Variants in DNAJC15 observed in about 807,000 individuals in gnomAD.
DNAJC15 encodes the protein DnaJ heat shock protein family (Hsp40) member C15, also known as dnaJ homolog subfamily C member 15.
A neutral mutation model predicts 22.4 loss-of-function variants in DNAJC15; 27 were observed. The ratio of observed to expected loss-of-function variants is 1.20; its 90% CI spans 0.89 to 1.66. The LOEUF (loss-of-function observed/expected upper bound fraction) is 1.66, where lower values mean the gene tolerates loss of function less well. Ranked by LOEUF, DNAJC15 falls within the 40% of genes most tolerant of loss-of-function variation. The pLI, the probability that DNAJC15 is intolerant of heterozygous loss-of-function variation, is 0.00. For missense variants in DNAJC15, 208 were observed against 187.1 expected (o/e 1.11, Z -0.65); for synonymous variants, 79 against 63.2 (o/e 1.25, Z -1.19).
At position 43,112,873 on chromosome 13, in the gene DNAJC15, G is replaced by A. The variant is rs903928186; in HGVS notation, c.*5625G>A. 2 of 152,170 alleles carry A rather than the reference G, an allele frequency of 1.3e-5. No individual in the cohort carries two copies. Among genetic ancestry groups the A allele is most frequent in the African/African-American group, 4.8e-5 (2 of 41,434 alleles). 9.4% of individuals were successfully genotyped at this position (152,170 alleles called of 1,614,324 possible). A position where few individuals can be genotyped will look rare whatever the true frequency, so the allele number is the denominator to read the frequency against. On this transcript the variant is annotated 3_prime_UTR_variant, in exon 6 of 6. Coordinates refer to ENST00000379221, the MANE Select transcript of DNAJC15 (RefSeq NM_013238.3). The stretch of plus-strand genomic sequence containing the variant: ...TTGTATGACTTTTGGCTCATTTTTT[G>A]ATGCATGTGACCTGGGATTATAAAT...
Position 43,109,083 on chromosome 13 carries a change from T to A in DNAJC15, c.*1835T>A, listed in dbSNP as rs370546497. The A allele has an allele frequency of 1.3e-5, 2 of 152,194 alleles. No homozygotes were observed. The highest frequency in any genetic ancestry group is 6.5e-5 in the Admixed American group (1 of 15,286). The allele number at this position is 152,194 out of a possible 1,614,324, so 9.4% of individuals were successfully genotyped here. On this transcript the variant is annotated 3_prime_UTR_variant, in exon 6 of 6. Transcript: ENST00000379221. ...TCTGGTACATGCAGCAAAAGTAATA[T>A]GAATTATCAGCTTTCTGAGAGCAGG...
intron 2 of DNAJC15, among the ~76,000 whole-genome samples, chr13:43,066,744 T>C (rs546042912): frequency 9.6e-4 from 146 of 152,234 alleles, no homozygotes; most frequent in African/African-American, 3.4e-3. Flanking sequence ...TGCCTCAGCC[T>C]CCCGAGTAGC....
intron 1 of DNAJC15, among the ~76,000 whole-genome samples, chr13:43,053,936 A>G (rs2040517618): frequency 6.6e-6 from 1 of 152,130 alleles, no homozygotes. Context: ...TCTGGCTAGG[A>G]CTTCTAGTAC....
At chr13:43,030,859 C>G (rs2040401363) in intron 1 of DNAJC15, among the ~76,000 whole-genome samples, 1 of 152,124 alleles carries the variant, frequency 6.6e-6, no homozygotes, top group African/African-American at 2.4e-5. Flanking sequence ...GAATGAAAGA[C>G]TAAGGCATAG....
At chr13:43,041,926 G>A (rs190083946) in intron 1 of DNAJC15, among the ~76,000 whole-genome samples, 153 of 152,288 alleles carry the variant, frequency 1.0e-3, no homozygotes, top group African/African-American at 3.5e-3. Flanking sequence ...GTGTGGCCTG[G>A]GATCACAATG....
At chr13:43,089,359 A>AG (rs1394874198) in intron 5 of DNAJC15, among the ~76,000 whole-genome samples, 1 of 152,234 alleles carries the variant, frequency 6.6e-6, no homozygotes, top group Non-Finnish European at 1.5e-5. Context: ...CAGACAAAAA[A>AG]TAAGTAAACC....
intron 3 of DNAJC15, among the ~76,000 whole-genome samples, chr13:43,076,196 C>T (rs1288983480): frequency 1.3e-5 from 2 of 152,104 alleles, no homozygotes; most frequent in Admixed American, 1.3e-4. Flanking sequence ...ATTATATTCT[C>T]ACAGTATTGA....
At chr13:43,065,830 G>A in intron 2 of DNAJC15, 93 bp downstream of exon 2, 1 of 1,202,582 alleles carries the variant, frequency 8.3e-7, no homozygotes, top group Non-Finnish European at 1.2e-6. Context: ...GTATTCTGAG[G>A]TTTTGGTTTT....
rs1278912217 is a variant in DNAJC15, at chr13:43,056,236, C to T, written c.109-9450C>T. The stretch of plus-strand genomic sequence containing the variant: ...GTGCAATCTCAGCTCACTGCAACCT[C>T]CACCTCCTGGGTTCAAGCAAGCCTC... On this transcript the variant is annotated intron_variant, in intron 1 of 5. Transcript: ENST00000379221. 1.1e-4 allele frequency among the ~76,000 whole-genome samples: 16 copies of T among 151,898 alleles called. No homozygotes were observed. The East Asian group carries it at 2.9e-3, about 28-fold the overall frequency.
intron 1 of DNAJC15, among the ~76,000 whole-genome samples, chr13:43,058,487 G>C (rs745510682): frequency 1.3e-5 from 2 of 152,160 alleles, no homozygotes; most frequent in Non-Finnish European, 2.9e-5. Flanking sequence ...TGTGGCCACT[G>C]TGGGGTATGG....
At chr13:43,069,056 G>T (rs1287507965) in intron 3 of DNAJC15, 53 bp downstream of exon 3, 14 of 1,524,236 alleles carry the variant, frequency 9.2e-6, no homozygotes, top group South Asian at 1.2e-5. Flanking sequence ...TTGTTCATAT[G>T]ACATATTTCA....
At chr13:43,078,777 T>G in intron 4 of DNAJC15, 89 bp downstream of exon 4, 1 of 1,138,160 alleles carries the variant, frequency 8.8e-7, no homozygotes, top group Admixed American at 2.3e-5. Context: ...ATACTTAGAC[T>G]TAAAATTATG....
chr13:43,097,640 G>GA (rs143072883), intron 5 of DNAJC15, among the ~76,000 whole-genome samples: 2,510 of 151,000 alleles, frequency 0.017, 78 homozygotes, highest in East Asian at 0.097. Flanking sequence ...AGGTAAAGGG[G>GA]AAAAAAAAAG....
chr13:43,031,260 A>T (rs932451663), intron 1 of DNAJC15, among the ~76,000 whole-genome samples: 1 of 152,266 alleles, frequency 6.6e-6, no homozygotes, highest in Non-Finnish European at 1.5e-5. Context: ...AATGTGGGTT[A>T]TATCAAGGAA....
At chr13:43,026,485 C>T (rs2040381397) in intron 1 of DNAJC15, among the ~76,000 whole-genome samples, 1 of 152,096 alleles carries the variant, frequency 6.6e-6, no homozygotes, top group Admixed American at 6.6e-5. Flanking sequence ...TGTTCTGCTT[C>T]TTTTGGGAGT....
intron 5 of DNAJC15, among the ~76,000 whole-genome samples, chr13:43,094,449 A>G (rs765593238): frequency 2.6e-5 from 4 of 152,152 alleles, no homozygotes; most frequent in Non-Finnish European, 4.4e-5. Flanking sequence ...AGTTGATTCT[A>G]ATGTACACTA....
intron 1 of DNAJC15, among the ~76,000 whole-genome samples, chr13:43,024,501 T>G (rs1016925948): frequency 2.6e-5 from 4 of 151,782 alleles, no homozygotes; most frequent in African/African-American, 4.8e-5. Context: ...CTGCCACCAC[T>G]CCCGGCTAAT....
chr13:43,084,035 G>C (rs1167312108), intron 4 of DNAJC15, among the ~76,000 whole-genome samples: 3 of 152,202 alleles, frequency 2.0e-5, no homozygotes. Context: ...GCAAGGAACT[G>C]CCAAAGACTA....
At chr13:43,078,561 G>A (rs550754201) in intron 3 of DNAJC15, 51 bp from the exon 4 acceptor site, 2 of 1,469,294 alleles carry the variant, frequency 1.4e-6, no homozygotes, top group African/African-American at 2.8e-5. Context: ...TTGAGGTCAT[G>A]CCACCTCATA....
Sources: gnomAD v4.1 joint callset for allele counts (sites outside exome capture counted in the v4.1 genomes callset) on GRCh38, gnomAD v4.1.1 for gene constraint, MANE v1.5 for transcripts, NCBI Gene and HGNC (gene_info 2026-07-23, HGNC 2026-07-21) for gene names.